KCNIP4: variants seen among roughly 807,000 people sequenced by gnomAD.
KCNIP4 encodes Kv channel-interacting protein 4.
A neutral mutation model predicts 34.0 loss-of-function variants in KCNIP4; 12 were observed. That is an observed-to-expected ratio of 0.35 (90% CI 0.23 to 0.57). The LOEUF (loss-of-function observed/expected upper bound fraction) is 0.57. Among genes scored for constraint, KCNIP4 ranks in the 20% least tolerant of loss-of-function variants. The pLI is 0.83. For missense variants in KCNIP4, 238 were observed against 311.7 expected (o/e 0.76, Z 1.78); for synonymous variants, 124 against 102.2 (o/e 1.21, Z -1.29).
chr4:21,666,392 T>C (rs1362109002), intron 1 of KCNIP4, among the ~76,000 whole-genome samples: 1 of 152,196 alleles, frequency 6.6e-6, no homozygotes, highest in Non-Finnish European at 1.5e-5. Flanking sequence ...CCATTATGTG[T>C]AGAGCAAGTT....
intron 1 of KCNIP4, among the ~76,000 whole-genome samples, chr4:21,304,289 T>C (rs971467650): frequency 1.3e-5 from 2 of 152,152 alleles, no homozygotes; most frequent in Non-Finnish European, 2.9e-5. Context: ...ATTATCACTC[T>C]TGCACAGAGA....
chr4:21,576,792 A>G (rs1258793201), intron 1 of KCNIP4, among the ~76,000 whole-genome samples: 1 of 152,124 alleles, frequency 6.6e-6, no homozygotes, highest in East Asian at 1.9e-4. Flanking sequence ...TTAATATGCT[A>G]ATTTCTTCAA....
At chr4:21,590,984 A>C (rs903571654) in intron 1 of KCNIP4, among the ~76,000 whole-genome samples, 1 of 152,042 alleles carries the variant, frequency 6.6e-6, no homozygotes, top group African/African-American at 2.4e-5. Flanking sequence ...TGGGTAAAAC[A>C]CACAAGAACA....
chr4:21,501,401 C>G (rs965355321), intron 1 of KCNIP4, among the ~76,000 whole-genome samples: 1 of 151,972 alleles, frequency 6.6e-6, no homozygotes, highest in Non-Finnish European at 1.5e-5. Flanking sequence ...ACCCTCTTAC[C>G]TTTCATCTGT....
At chr4:21,784,204 A>T (rs1444313852) in intron 1 of KCNIP4, among the ~76,000 whole-genome samples, 1 of 152,122 alleles carries the variant, frequency 6.6e-6, no homozygotes. Context: ...ACTCACTATC[A>T]CGAGAATGGC....
intron 1 of KCNIP4, among the ~76,000 whole-genome samples, chr4:21,519,375 T>C (rs1484223198): frequency 1.5e-5 from 2 of 133,666 alleles, no homozygotes; most frequent in Non-Finnish European, 3.3e-5. Flanking sequence ...CACACACACG[T>C]ATATGTATGT....
chr4:21,786,572 CTT>C (rs10688809), intron 1 of KCNIP4, among the ~76,000 whole-genome samples: 2 of 143,072 alleles, frequency 1.4e-5, no homozygotes, highest in Non-Finnish European at 1.5e-5. Flanking sequence ...GAGAGTCACT[CTT>C]TTTTTTTTTT....
rs181936694 is a variant in KCNIP4 at position 21,482,451 on chromosome 4, G to A, written c.61+466120C>T. 2.2e-3 allele frequency among the ~76,000 whole-genome samples: 337 copies of A among 152,232 alleles called. 1 individual carries two copies. Among genetic ancestry groups the A allele is most frequent in the Non-Finnish European group, 3.3e-3 (226 of 68,030 alleles). ...GCATGTTTTTGCAGTGCCTGGTACCGGTTGTTCCTTTCCATGTTTAGTGCT... is the reference window on the plus strand; with the variant it reads ...GCATGTTTTTGCAGTGCCTGGTACCAGTTGTTCCTTTCCATGTTTAGTGCT... On this transcript the variant is annotated intron_variant, in intron 1 of 8. Coordinates refer to ENST00000382152, the MANE Select transcript of KCNIP4 (RefSeq NM_025221.6).
chr4:21,815,110 G>C (rs941965886), intron 1 of KCNIP4, among the ~76,000 whole-genome samples: 7 of 152,114 alleles, frequency 4.6e-5, no homozygotes, highest in African/African-American at 1.7e-4. Flanking sequence ...AATGCTATGA[G>C]GATCGTGTAC....
chr4:21,740,957 A>G (rs979599163), intron 1 of KCNIP4, among the ~76,000 whole-genome samples: 17 of 152,312 alleles, frequency 1.1e-4, no homozygotes, highest in South Asian at 6.2e-4. Context: ...ACACTGGTTG[A>G]AAATATGTTG....
At chr4:21,601,753 C>T (rs1014526307) in intron 1 of KCNIP4, among the ~76,000 whole-genome samples, 1 of 152,122 alleles carries the variant, frequency 6.6e-6, no homozygotes, top group African/African-American at 2.4e-5. Context: ...CTGATCCTCA[C>T]ATGAGCCAAG....
intron 3 of KCNIP4, among the ~76,000 whole-genome samples, chr4:20,789,018 A>G (rs1712376884): frequency 6.6e-6 from 1 of 152,108 alleles, no homozygotes; most frequent in South Asian, 2.1e-4. Context: ...TTAAATTCTC[A>G]AGTAAAGAAA....
intron 1 of KCNIP4, among the ~76,000 whole-genome samples, chr4:21,819,672 A>G (rs1722210431): frequency 6.6e-6 from 1 of 152,224 alleles, no homozygotes; most frequent in Non-Finnish European, 1.5e-5. Flanking sequence ...TTTTTAAAAA[A>G]GGAATTTTAA....
At chr4:21,474,754 T>C (rs1259605471) in intron 1 of KCNIP4, among the ~76,000 whole-genome samples, 1 of 148,872 alleles carries the variant, frequency 6.7e-6, no homozygotes, top group African/African-American at 2.4e-5. Context: ...CCCAGCGCTT[T>C]GGGATGCCGA....
intron 1 of KCNIP4, among the ~76,000 whole-genome samples, chr4:21,908,828 A>C (rs1728143462): frequency 6.6e-6 from 1 of 152,186 alleles, no homozygotes; most frequent in South Asian, 2.1e-4. Flanking sequence ...CAACTCCTTA[A>C]TGAGGTTTGC....
chr4:21,810,984 T>A (rs1721617050), intron 1 of KCNIP4, among the ~76,000 whole-genome samples: 1 of 152,098 alleles, frequency 6.6e-6, no homozygotes, highest in Admixed American at 6.6e-5. Flanking sequence ...ACATGAAAAT[T>A]TTTTTTAGCG....
At chr4:20,969,832 T>A (rs1734747454) in intron 1 of KCNIP4, among the ~76,000 whole-genome samples, 1 of 152,098 alleles carries the variant, frequency 6.6e-6, no homozygotes, top group Non-Finnish European at 1.5e-5. Flanking sequence ...TGTGCTCTAA[T>A]ACTGAATTTA....
At chr4:21,762,997 A>G in intron 1 of KCNIP4, 2 of 1,288,910 alleles carry the variant, frequency 1.6e-6, no homozygotes, top group Non-Finnish European at 1.0e-6. Flanking sequence ...TGTCAAGGAC[A>G]GCACTTGGTA....
At chr4:21,800,330 T>A (rs1720908481) in intron 1 of KCNIP4, among the ~76,000 whole-genome samples, 1 of 152,214 alleles carries the variant, frequency 6.6e-6, no homozygotes, top group African/African-American at 2.4e-5. Context: ...GAAGACTTGC[T>A]ATAATTCATT....
Sources: allele counts gnomAD v4.1 joint callset (sites outside exome capture counted in the v4.1 genomes callset), GRCh38; gene constraint gnomAD v4.1.1; transcripts MANE v1.5; gene names NCBI Gene and HGNC (gene_info 2026-07-23, HGNC 2026-07-21).